Variants in IL5RA observed in about 807,000 individuals in gnomAD.
The protein encoded by IL5RA is interleukin 5 receptor subunit alpha, also known as interleukin-5 receptor subunit alpha.
Under a neutral mutation model 50.0 loss-of-function variants are expected in IL5RA, and 49 were observed. That is an observed-to-expected ratio of 0.98 (90% confidence interval 0.78 to 1.24). The LOEUF (loss-of-function observed/expected upper bound fraction) is 1.24. Among genes scored for constraint, IL5RA ranks in the 50% most tolerant of loss-of-function variants. The probability of loss-of-function intolerance (pLI) is 0.00; values close to 1 mark genes in which losing one functional copy is unlikely to be tolerated. For synonymous variants in IL5RA, 202 were observed against 174.0 expected (o/e 1.16, Z -1.26); for missense variants, 600 against 500.4 (o/e 1.20, Z -1.90).
At chr3:3,093,035 ATCT>A (rs1703198332) in intron 8 of IL5RA, among the ~76,000 whole-genome samples, 2 of 152,244 alleles carry the variant, frequency 1.3e-5, no homozygotes, top group South Asian at 2.1e-4. Context: ...GCTACCAAAA[ATCT>A]TCTTTTACTC....
chr3:3,100,547 T>G (rs935543386), intron 5 of IL5RA, among the ~76,000 whole-genome samples: 7 of 152,070 alleles, frequency 4.6e-5, no homozygotes, highest in African/African-American at 9.7e-5. Context: ...CTGACAACTC[T>G]TTGTCTTATA....
chr3:3,105,980 A>T (rs1310510519), intron 2 of IL5RA, among the ~76,000 whole-genome samples: 27 of 152,016 alleles, frequency 1.8e-4, no homozygotes, highest in Admixed American at 1.8e-3. Flanking sequence ...AGTTCTTCCT[A>T]CTCTCTTACC....
intron 1 of IL5RA, among the ~76,000 whole-genome samples, chr3:3,109,239 T>C (rs1399513413): frequency 6.6e-6 from 1 of 152,102 alleles, no homozygotes; most frequent in African/African-American, 2.4e-5. Flanking sequence ...CAAAACCAAG[T>C]GACATATTTC....
At chr3:3,093,761 T>C (rs1388538019) in intron 8 of IL5RA, among the ~76,000 whole-genome samples, 3 of 152,232 alleles carry the variant, frequency 2.0e-5, no homozygotes, top group Non-Finnish European at 2.9e-5. Context: ...GCTGGGCAAG[T>C]ATGTCACAAG....
chr3:3,075,012 A>G (rs1559860660), intron 10 of IL5RA, 146 bp from the exon 11 acceptor site: 2 of 618,186 alleles, frequency 3.2e-6, no homozygotes, highest in Admixed American at 5.6e-5. Context: ...CCAAAATTAT[A>G]GGTGAAGACT....
At chr3:3,084,631 ATCC>A (rs1559865780) in intron 9 of IL5RA, among the ~76,000 whole-genome samples, 1 of 152,174 alleles carries the variant, frequency 6.6e-6, no homozygotes, top group Non-Finnish European at 1.5e-5. Flanking sequence ...AGTGTGGCCC[ATCC>A]TCCAGCCTCA....
At chr3:3,082,151 A>T (rs1225219828) in intron 9 of IL5RA, among the ~76,000 whole-genome samples, 2 of 152,230 alleles carry the variant, frequency 1.3e-5, no homozygotes, top group Non-Finnish European at 2.9e-5. Flanking sequence ...AGGAGGGAAG[A>T]TCCCACTGAG....
chr3:3,084,754 A>G (rs1702791434), intron 9 of IL5RA, among the ~76,000 whole-genome samples: 1 of 152,164 alleles, frequency 6.6e-6, no homozygotes, highest in South Asian at 2.1e-4. Flanking sequence ...CCCACCTACT[A>G]TCTGTGTAGC....
chr3:3,073,794 T>C (rs163897), intron 11 of IL5RA: 214,725 of 448,816 alleles, frequency 0.48, 52,781 homozygotes, highest in South Asian at 0.61. Context: ...AATTGTCAGC[T>C]GAATCTAAGA....
In IL5RA at chr3:3,076,562, T is replaced by C; in HGVS notation, c.1060A>G (p.Ile354Val). 6.2e-7 allele frequency: 1 copy of C among 1,611,722 alleles called. No individual in the cohort carries two copies. The highest frequency in any genetic ancestry group is 1.1e-5 in the South Asian group (1 of 90,962). Reference sequence around the variant, plus strand: ...CAGATAAGCGAGAGAATTAACAAGATGAAGCAGATGGTTGCCATAATCACA... The same window carrying C: ...CAGATAAGCGAGAGAATTAACAAGACGAAGCAGATGGTTGCCATAATCACA... ...VIVIMATICF[I>V]LLILSLICKI... The change falls in exon 10 of 12, where the codon ATC becomes GTC. Residue 354 changes from isoleucine (I) to valine (V), a missense_variant. Physicochemically the swap from Ile to Val is conservative, Grantham distance 29. Transcript: ENST00000446632.
chr3:3,082,440 T>C (rs775436872), intron 9 of IL5RA, among the ~76,000 whole-genome samples: 3 of 152,246 alleles, frequency 2.0e-5, no homozygotes, highest in Non-Finnish European at 2.9e-5. Context: ...CAGCCTATTC[T>C]TGTAAGGAGG....
chr3:3,102,607 G>T, intron 4 of IL5RA, 68 bp downstream of exon 4: 1 of 1,118,400 alleles, frequency 8.9e-7, no homozygotes, highest in Non-Finnish European at 1.3e-6. Flanking sequence ...AATTTTATTT[G>T]ATAAAGAAAA....
chr3:3,067,505 C>G lies in IL5RA; in HGVS notation c.*2720G>C, dbSNP rs1004149140. On this transcript the variant is annotated 3_prime_UTR_variant, in exon 12 of 12. Transcript: ENST00000446632. ...AAGCCGCAGTCTAGAGGGGAGGCCTCCCAGCTGTTAATGGTATATTCTACA... is the reference window on the plus strand; with the variant it reads ...AAGCCGCAGTCTAGAGGGGAGGCCTGCCAGCTGTTAATGGTATATTCTACA... 6.6e-6 allele frequency: 1 copy of G among 152,258 alleles called. No individual in the cohort carries two copies. Among genetic ancestry groups the G allele is most frequent in the African/African-American group, 2.4e-5 (1 of 41,442 alleles). 9.4% of individuals were successfully genotyped at this position (152,258 alleles called of 1,614,324 possible). A position where few individuals can be genotyped will look rare whatever the true frequency, so the allele number is the denominator to read the frequency against.
intron 9 of IL5RA, among the ~76,000 whole-genome samples, chr3:3,088,509 C>G (rs1702964076): frequency 6.6e-6 from 1 of 152,220 alleles, no homozygotes; most frequent in African/African-American, 2.4e-5. Context: ...GCTCACAAAA[C>G]ATTACCTTTT....
chr3:3,073,908 A>G (rs1702385833), intron 11 of IL5RA: 2 of 394,082 alleles, frequency 5.1e-6, no homozygotes, highest in Admixed American at 3.2e-5. Context: ...ATAAAGCTAC[A>G]GTAATCAAGA....
In IL5RA at chr3:3,100,641, T is replaced by C. The variant is rs541500009; in HGVS notation, c.367+1051A>G. Reference sequence around the variant, plus strand: ...TTATTAGTGTCATCCTGTATCAGAGTGTTCAGAGGATAATTAGAATTGTAG... The same window carrying C: ...TTATTAGTGTCATCCTGTATCAGAGCGTTCAGAGGATAATTAGAATTGTAG... On this transcript the variant is annotated intron_variant, in intron 5 of 11. Coordinates refer to ENST00000446632, the MANE Select transcript of IL5RA (RefSeq NM_175726.4). 6.6e-4 allele frequency among the ~76,000 whole-genome samples: 101 copies of C among 152,274 alleles called. 1 individual carries two copies. In the South Asian group the frequency reaches 0.019, roughly 29 times the overall value.
chr3:3,096,288 A>AG (rs1322748340), intron 7 of IL5RA, among the ~76,000 whole-genome samples: 12 of 87,216 alleles, frequency 1.4e-4, no homozygotes, highest in African/African-American at 2.2e-4. Flanking sequence ...CAAAAAAAAA[A>AG]AAAGAAGAAG....
At chr3:3,100,595 G>C (rs550866833) in intron 5 of IL5RA, among the ~76,000 whole-genome samples, 2 of 152,270 alleles carry the variant, frequency 1.3e-5, no homozygotes, top group Admixed American at 1.3e-4. Flanking sequence ...AATTCCACTT[G>C]GTTCAAAACA....
rs1046417889 is a variant in IL5RA at position 3,069,001 on chromosome 3, CAG to C, written c.*1222_*1223del. ...AACAAACCTGGAAATATATGGTAGT[CAG>C]TGTGTCCCCACCGATGGATCAAAAC... On this transcript the variant is annotated 3_prime_UTR_variant, in exon 12 of 12. Transcript: ENST00000446632. 2.0e-5 allele frequency: 3 copies of C among 152,166 alleles called. No homozygotes were observed. The highest frequency in any genetic ancestry group is 7.2e-5 in the African/African-American group (3 of 41,422). The allele number at this position is 152,166 out of a possible 1,614,324, so 9.4% of individuals were successfully genotyped here. A position where few individuals can be genotyped will look rare whatever the true frequency, so the allele number is the denominator to read the frequency against.
Sources: gnomAD v4.1 joint callset for allele counts (sites outside exome capture counted in the v4.1 genomes callset) on GRCh38, gnomAD v4.1.1 for gene constraint, MANE v1.5 for transcripts, NCBI Gene and HGNC (gene_info 2026-07-23, HGNC 2026-07-21) for gene names.